NME8: variants seen among roughly 807,000 people sequenced by gnomAD.
NME8 encodes the protein NME/NM23 family member 8, also known as protein NME8.
Under a neutral mutation model 82.3 loss-of-function variants are expected in NME8, and 72 were observed. That is an observed-to-expected ratio of 0.87 (90% confidence interval 0.72 to 1.06). The LOEUF (loss-of-function observed/expected upper bound fraction) is 1.06, where lower values mean the gene tolerates loss of function less well. Among genes scored for constraint, NME8 ranks in the 50% least tolerant of loss-of-function variants. NME8 has a pLI of 0.00. For synonymous variants in NME8, 267 were observed against 228.5 expected (o/e 1.17, Z -1.52); for missense variants, 712 against 685.4 (o/e 1.04, Z -0.43).
At position 37,850,453 on chromosome 7, in the gene NME8, C is replaced by T. The variant is rs770546236; in HGVS notation, c.91+18C>T. The T allele has an allele frequency of 6.2e-7, 1 of 1,613,820 alleles. No homozygotes were observed. Among genetic ancestry groups the T allele is most frequent in the Non-Finnish European group, 8.5e-7 (1 of 1,179,714 alleles). ...CTTAACAGGTATAAGGACTCCCCGG[C>T]TGTCTGGCCACCTGGGGTTTGACCC... On this transcript the variant is annotated intron_variant, in intron 4 of 17. Coordinates refer to ENST00000199447, the MANE Select transcript of NME8 (RefSeq NM_016616.5).
At chr7:37,863,081 C>T (rs1185657429) in intron 7 of NME8, among the ~76,000 whole-genome samples, 1 of 152,052 alleles carries the variant, frequency 6.6e-6, no homozygotes, top group Non-Finnish European at 1.5e-5. Context: ...AATAGCACCA[C>T]TGCACTCCAG....
In NME8 at chr7:37,885,150, C is replaced by T; in HGVS notation, c.1145C>T (p.Pro382Leu). ...TTTGTTTTCTTTTCTAATAGTGGTC[C>T]ATCTCTAGCCCTTGTTTTATTGAGA... ...NKLIENMTSGPSLALVLLRDN... is the reference protein window; with the variant it reads ...NKLIENMTSGLSLALVLLRDN... Residue 382 changes from proline to leucine, a missense_variant, in exon 14 of 18, where the codon CCA (proline) becomes CTA (leucine). Physicochemically the swap from Pro to Leu is moderately conservative, Grantham distance 98. Transcript: ENST00000199447. 2 of 1,605,300 alleles carry T rather than the reference C, an allele frequency of 1.2e-6. No homozygotes were observed. Among genetic ancestry groups the T allele is most frequent in the Non-Finnish European group, 1.7e-6 (2 of 1,172,278 alleles).
In NME8 at chr7:37,876,971, G is replaced by A; in HGVS notation, c.958G>A (p.Ala320Thr). 6 of 1,613,196 alleles carry A rather than the reference G, an allele frequency of 3.7e-6. No homozygotes were observed. Among genetic ancestry groups the A allele is most frequent in the Non-Finnish European group, 5.1e-6 (6 of 1,179,482 alleles). The stretch of plus-strand genomic sequence containing the variant: ...AAGCATGAAATTAGAAAAGACATTG[G>A]CATTACTTCGACCAAATCTCTTTCA... ...MKSMKLEKTL[A>T]LLRPNLFHER... The change falls in exon 12 of 18, where the codon GCA becomes ACA. Residue 320 changes from alanine to threonine, a missense_variant. Ala to Thr is a moderately conservative substitution (Grantham distance 58). Coordinates refer to ENST00000199447, the MANE Select transcript of NME8 (RefSeq NM_016616.5).
chr7:37,872,108 A>G (rs1461412092), intron 11 of NME8, among the ~76,000 whole-genome samples: 1 of 151,734 alleles, frequency 6.6e-6, no homozygotes, highest in Middle Eastern at 3.2e-3. Flanking sequence ...GGACCTGCAG[A>G]CAACCACAGA....
chr7:37,851,041 AAT>A (rs1382598041), intron 5 of NME8, among the ~76,000 whole-genome samples: 1 of 152,152 alleles, frequency 6.6e-6, no homozygotes, highest in African/African-American at 2.4e-5. Context: ...TGTCCTTTAG[AAT>A]AAGGGCTACA....
intron 6 of NME8, among the ~76,000 whole-genome samples, chr7:37,860,802 T>G (rs1784587845): frequency 6.6e-6 from 1 of 152,192 alleles, no homozygotes; most frequent in African/African-American, 2.4e-5. Context: ...CAGATCTTCC[T>G]CCCCACAAAA....
intron 12 of NME8, among the ~76,000 whole-genome samples, chr7:37,878,176 G>C (rs546021289): frequency 6.6e-6 from 1 of 152,226 alleles, no homozygotes; most frequent in South Asian, 2.1e-4. Flanking sequence ...ATCAGGAAAG[G>C]ATGTTGTGTT....
intron 14 of NME8, among the ~76,000 whole-genome samples, chr7:37,886,492 A>G (rs1785042532): frequency 6.6e-6 from 1 of 152,192 alleles, no homozygotes; most frequent in Non-Finnish European, 1.5e-5. Flanking sequence ...ATAACTCTTC[A>G]AATGGAACTT....
In NME8 at chr7:37,850,299, G is replaced by T; in HGVS notation, c.33G>T (p.Gln11His). Residue 11 changes from glutamine to histidine, a missense_variant and splice_region_variant, in exon 3 of 18, where the codon CAG becomes CAT. Physicochemically the swap from Gln to His is conservative, Grantham distance 24 (BLOSUM62 0). Coordinates refer to ENST00000199447, the MANE Select transcript of NME8 (RefSeq NM_016616.5). The part of the protein sequence containing the change: MASKKREVQL[Q>H]TVINNQSLWD... The stretch of plus-strand genomic sequence containing the variant: ...GCAAAAAACGAGAAGTCCAGTTACA[G>T]GTGGGTCTGACATATCAACAATTCT... The T allele has an allele frequency of 6.2e-7, 1 of 1,614,152 alleles. No homozygotes were observed. The highest frequency in any genetic ancestry group is 8.5e-7 in the Non-Finnish European group (1 of 1,179,986).
chr7:37,882,613 G>GAGAGAA (rs1273553790), intron 12 of NME8, among the ~76,000 whole-genome samples: 1,339 of 84,762 alleles, frequency 0.016, 45 homozygotes, highest in African/African-American at 0.039. Context: ...GAGAGAGAGA[G>GAGAGAA]AGAAAGAAAG....
intron 12 of NME8, among the ~76,000 whole-genome samples, chr7:37,883,314 G>T (rs181545713): frequency 2.6e-4 from 39 of 152,222 alleles, no homozygotes; most frequent in Admixed American, 1.3e-3. Flanking sequence ...AAAAACTTCA[G>T]TGTCTTCTAA....
chr7:37,852,403 T>A (rs949690302), intron 5 of NME8, among the ~76,000 whole-genome samples: 1 of 152,080 alleles, frequency 6.6e-6, no homozygotes, highest in African/African-American at 2.4e-5. Flanking sequence ...TGTTGTACAT[T>A]TTAGGGAGTT....
chr7:37,898,603 A>T (rs1435971295), intron 17 of NME8, among the ~76,000 whole-genome samples: 5 of 152,216 alleles, frequency 3.3e-5, no homozygotes, highest in African/African-American at 1.2e-4. Flanking sequence ...TTGCTAAATG[A>T]AATGTTAGAC....
chr7:37,894,554 T>G lies in NME8; in HGVS notation c.1488T>G (p.Ile496Met), dbSNP rs904540282. ...MFLTPEQIEK[I>M]YPKVTGKDFY... ...TAACTCCTGAGCAAATAGAGAAAAT[T>G]TATCCAAAAGTAACAGGAAAAGACT... The change falls in exon 16 of 18, where the codon ATT becomes ATG. Residue 496 changes from isoleucine (I) to methionine (M), a missense_variant. Coordinates refer to ENST00000199447, the MANE Select transcript of NME8 (RefSeq NM_016616.5). The G allele has an allele frequency of 6.2e-7, 1 of 1,608,862 alleles. No individual in the cohort carries two copies. The highest frequency in any genetic ancestry group is 8.5e-7 in the Non-Finnish European group (1 of 1,175,644).
chr7:37,889,197 C>T (rs562388015), intron 15 of NME8, among the ~76,000 whole-genome samples: 135 of 151,764 alleles, frequency 8.9e-4, no homozygotes, highest in African/African-American at 3.1e-3. Flanking sequence ...TTATCTATTC[C>T]AGCTATGTAA....
rs768239983 is a variant in NME8 at position 37,850,736 on chromosome 7, G to A, written c.198+1G>A. The A allele has an allele frequency of 1.4e-5, 23 of 1,603,116 alleles. No homozygotes were observed. The highest frequency in any genetic ancestry group is 4.5e-5 in the East Asian group (2 of 44,844). On this transcript the variant is annotated splice_donor_variant, in intron 5 of 17. Transcript: ENST00000199447. LOFTEE classifies it high-confidence loss of function. ...AGACGAAATTCTGCATTTTGCTGTC[G>A]TAAGAATTTTGTTTTCATTAAACCA...
intron 12 of NME8, among the ~76,000 whole-genome samples, chr7:37,882,068 C>A (rs1046752142): frequency 2.0e-5 from 3 of 151,990 alleles, no homozygotes; most frequent in African/African-American, 7.3e-5. Flanking sequence ...AAATATTTTC[C>A]CTTTATTTTT....
At chr7:37,873,316 C>T (rs910089709) in intron 11 of NME8, among the ~76,000 whole-genome samples, 30 of 143,118 alleles carry the variant, frequency 2.1e-4, no homozygotes, top group African/African-American at 6.2e-4. Flanking sequence ...GCCAAAATTG[C>T]GCCACTGCAC....
chr7:37,876,307 C>CATTT (rs1376994344), intron 11 of NME8, among the ~76,000 whole-genome samples: 1 of 151,564 alleles, frequency 6.6e-6, no homozygotes, highest in African/African-American at 2.4e-5. Context: ...TACAACCTTA[C>CATTT]ACATTACAAA....
Sources: allele counts gnomAD v4.1 joint callset (sites outside exome capture counted in the v4.1 genomes callset), GRCh38; gene constraint gnomAD v4.1.1; transcripts MANE v1.5; gene names NCBI Gene and HGNC (gene_info 2026-07-23, HGNC 2026-07-21).